Variants in DEPTOR observed in about 807,000 individuals in gnomAD.
The protein encoded by DEPTOR is DEP domain containing MTOR interacting protein.
In DEPTOR, 41 loss-of-function variants were observed where a neutral mutation model predicts 41.6. The ratio of observed to expected loss-of-function variants is 0.98; its 90% CI spans 0.77 to 1.28. DEPTOR has a LOEUF of 1.28. Ranked by LOEUF, DEPTOR falls within the 50% of genes most tolerant of loss-of-function variation. The probability of loss-of-function intolerance (pLI) is 0.00; values close to 1 mark genes in which losing one functional copy is unlikely to be tolerated. For synonymous variants in DEPTOR, 195 were observed against 192.3 expected (o/e 1.01, Z -0.12); for missense variants, 514 against 527.9 (o/e 0.97, Z 0.26).
rs762999704 is a variant in DEPTOR at position 119,873,834 on chromosome 8, C to A, written c.-13C>A. On this transcript the variant is annotated 5_prime_UTR_variant, in exon 1 of 9. Coordinates refer to ENST00000286234, the MANE Select transcript of DEPTOR (RefSeq NM_022783.4). ...GACAGCGGAGCCAGTGGTAGCCGCA[C>A]GGCCCTAAAACCATGGAGGAGGGCG... The A allele has an allele frequency of 9.3e-6, 15 of 1,609,854 alleles. No homozygotes were observed. In the East Asian group the frequency reaches 2.5e-4, roughly 27 times the overall value.
rs186105905 is a variant in DEPTOR at position 119,884,310 on chromosome 8, G to A, written c.122+10342G>A. On this transcript the variant is annotated intron_variant, in intron 1 of 8. Transcript: ENST00000286234. ...TGACCTCAAGTGATCTGCCCACCTC[G>A]GCCTCCCAAAGTGCTGGGATTACAG... Among the ~76,000 whole-genome samples, 375 of 152,194 alleles carry A rather than the reference G, an allele frequency of 2.5e-3. 2 individuals are homozygous for A. Among genetic ancestry groups the A allele is most frequent in the African/African-American group, 8.0e-3 (332 of 41,528 alleles).
At chr8:119,963,106 A>G (rs1334498367) in intron 3 of DEPTOR, among the ~76,000 whole-genome samples, 1 of 152,150 alleles carries the variant, frequency 6.6e-6, no homozygotes, top group Admixed American at 6.6e-5. Context: ...GGAATCTGGA[A>G]TGTGGATAGT....
chr8:120,021,606 G>A (rs1219076994), intron 8 of DEPTOR, among the ~76,000 whole-genome samples: 1 of 152,064 alleles, frequency 6.6e-6, no homozygotes, highest in African/African-American at 2.4e-5. Context: ...AGCTAAAAGG[G>A]GATAACAGAG....
At chr8:119,875,460 G>T (rs192896569) in intron 1 of DEPTOR, among the ~76,000 whole-genome samples, 1 of 152,154 alleles carries the variant, frequency 6.6e-6, no homozygotes, top group Non-Finnish European at 1.5e-5. Flanking sequence ...TGTTGAAGGA[G>T]CAGGAGGGTG....
At chr8:120,027,994 A>G (rs1812824852) in intron 8 of DEPTOR, among the ~76,000 whole-genome samples, 3 of 152,158 alleles carry the variant, frequency 2.0e-5, no homozygotes, top group East Asian at 1.9e-4. Flanking sequence ...GAGACAGCCT[A>G]CTGGCTCAGA....
chr8:120,005,073 T>C (rs1812413024), intron 6 of DEPTOR, among the ~76,000 whole-genome samples: 1 of 152,112 alleles, frequency 6.6e-6, no homozygotes, highest in African/African-American at 2.4e-5. Context: ...TTTTTCAACA[T>C]AATAAAGAGA....
Position 119,927,697 on chromosome 8 carries a change from C to T in DEPTOR, c.123-703C>T, listed in dbSNP as rs544535212. On this transcript the variant is annotated intron_variant, in intron 1 of 8. Transcript: ENST00000286234. ...GATCTCAGCTCACTGCAACCTCCAC[C>T]TCCCAGGTTCAAGCGATTCTCCTGC... is the stretch of plus-strand genomic sequence containing the variant. Among the ~76,000 whole-genome samples, 228 of 151,762 alleles carry T rather than the reference C, an allele frequency of 1.5e-3. 1 individual carries two copies. The highest frequency in any genetic ancestry group is 2.8e-3 in the Non-Finnish European group (188 of 67,976).
At chr8:119,949,607 T>C (rs1698966047) in intron 3 of DEPTOR, among the ~76,000 whole-genome samples, 1 of 152,252 alleles carries the variant, frequency 6.6e-6, no homozygotes, top group South Asian at 2.1e-4. Flanking sequence ...AGTTCCCTGA[T>C]GCAAATCTTT....
chr8:119,993,792 A>T (rs1175995176), intron 4 of DEPTOR, among the ~76,000 whole-genome samples: 1 of 151,978 alleles, frequency 6.6e-6, no homozygotes, highest in Non-Finnish European at 1.5e-5. Flanking sequence ...GTGTTTAACA[A>T]AAAGTAAGTT....
At chr8:119,991,088 T>TTTTCTTTC (rs1206272230) in intron 4 of DEPTOR, among the ~76,000 whole-genome samples, 1 of 45,794 alleles carries the variant, frequency 2.2e-5, no homozygotes, top group East Asian at 1.5e-3. Flanking sequence ...CTTTCTTTCT[T>TTTTCTTTC]TTTCTTTCTT....
intron 8 of DEPTOR, among the ~76,000 whole-genome samples, chr8:120,009,893 ACCAAT>A (rs1231442501): frequency 2.6e-5 from 4 of 152,082 alleles, no homozygotes; most frequent in Admixed American, 1.3e-4. Flanking sequence ...TTTCCCCTCA[ACCAAT>A]ACTGAATTTG....
intron 1 of DEPTOR, among the ~76,000 whole-genome samples, chr8:119,897,775 G>A (rs906359968): frequency 1.4e-4 from 21 of 152,074 alleles, no homozygotes; most frequent in African/African-American, 4.6e-4. Context: ...GATTACAGGC[G>A]TGAGCCACCA....
intron 3 of DEPTOR, 52 bp from the exon 4 acceptor site, chr8:119,965,180 C>T: frequency 6.5e-7 from 1 of 1,535,170 alleles, no homozygotes; most frequent in Middle Eastern, 1.7e-4. Context: ...TTCAAATGAG[C>T]TGTTTTCCTT....
intron 4 of DEPTOR, among the ~76,000 whole-genome samples, chr8:119,988,196 T>C (rs1218906263): frequency 6.6e-6 from 1 of 152,134 alleles, no homozygotes; most frequent in African/African-American, 2.4e-5. Flanking sequence ...GGGAAAAGCA[T>C]TGTATCTGGG....
At chr8:119,925,834 A>G (rs1827957009) in intron 1 of DEPTOR, among the ~76,000 whole-genome samples, 3 of 152,194 alleles carry the variant, frequency 2.0e-5, no homozygotes, top group African/African-American at 7.2e-5. Flanking sequence ...CATGTTGGCC[A>G]GGCTGGTCTC....
intron 4 of DEPTOR, among the ~76,000 whole-genome samples, chr8:119,984,749 A>C (rs1828808985): frequency 6.6e-6 from 1 of 152,204 alleles, no homozygotes; most frequent in Non-Finnish European, 1.5e-5. Context: ...GTGTCTTTAT[A>C]ATAGAAAGAT....
At chr8:119,992,905 C>T (rs971872475) in intron 4 of DEPTOR, among the ~76,000 whole-genome samples, 11 of 152,210 alleles carry the variant, frequency 7.2e-5, no homozygotes, top group African/African-American at 2.6e-4. Context: ...GACCCACCTG[C>T]CTCGGCCTCC....
chr8:120,041,723 A>G (rs1162663260), intron 8 of DEPTOR, among the ~76,000 whole-genome samples: 3 of 151,966 alleles, frequency 2.0e-5, no homozygotes, highest in African/African-American at 7.2e-5. Flanking sequence ...TTTTTGGTAG[A>G]GACGGGGTTT....
intron 3 of DEPTOR, among the ~76,000 whole-genome samples, chr8:119,936,906 C>T (rs1351353576): frequency 6.6e-6 from 1 of 152,048 alleles, no homozygotes; most frequent in Non-Finnish European, 1.5e-5. Flanking sequence ...CACCTGTAGT[C>T]CCAGCTACTT....
Sources: gnomAD v4.1 joint callset for allele counts (sites outside exome capture counted in the v4.1 genomes callset) on GRCh38, gnomAD v4.1.1 for gene constraint, MANE v1.5 for transcripts, NCBI Gene and HGNC (gene_info 2026-07-23, HGNC 2026-07-21) for gene names.